The following STK39 variants were observed in gnomAD, a reference collection of about 807,000 sequenced individuals.
STK39 encodes serine/threonine kinase 39, also known as STE20/SPS1-related proline-alanine-rich protein kinase.
STK39 carries 20 observed loss-of-function variants against 77.8 expected under a neutral mutation model. The observed-to-expected ratio is 0.26, with a 90% CI of 0.18 to 0.37. STK39 has a LOEUF of 0.37. Ranked by LOEUF, STK39 falls within the 10% of genes least tolerant of loss-of-function variation. The probability of loss-of-function intolerance (pLI) is 1.00; values close to 1 mark genes in which losing one functional copy is unlikely to be tolerated. For missense variants in STK39, 479 were observed against 656.5 expected, an observed-to-expected ratio of 0.73 and a Z score of 2.95; for synonymous variants, 246 against 234.1, an observed-to-expected ratio of 1.05 and a Z score of -0.47.
chr2:167,962,677 C>G (rs1692019888), intron 17 of STK39, among the ~76,000 whole-genome samples: 1 of 152,160 alleles, frequency 6.6e-6, no homozygotes, highest in Non-Finnish European at 1.5e-5. Context: ...TCAGTCTCAG[C>G]CAATGGAGAT....
intron 16 of STK39, among the ~76,000 whole-genome samples, chr2:167,987,439 G>A (rs900375400): frequency 6.6e-6 from 1 of 152,040 alleles, no homozygotes; most frequent in Non-Finnish European, 1.5e-5. Context: ...AACTATGGAA[G>A]GCTGTAGAGT....
chr2:168,132,136 T>C (rs1328325232), intron 8 of STK39, among the ~76,000 whole-genome samples: 1 of 152,208 alleles, frequency 6.6e-6, no homozygotes, highest in East Asian at 1.9e-4. Context: ...AATGTCATGT[T>C]TGGGAACCTC....
chr2:168,226,793 C>T (rs1019272498), intron 1 of STK39, among the ~76,000 whole-genome samples: 1 of 152,164 alleles, frequency 6.6e-6, no homozygotes, highest in Admixed American at 6.5e-5. Flanking sequence ...GAAATTGTCA[C>T]AGTATCTATC....
intron 14 of STK39, among the ~76,000 whole-genome samples, chr2:168,038,519 A>G (rs1006438184): frequency 2.6e-5 from 4 of 151,896 alleles, no homozygotes; most frequent in African/African-American, 4.8e-5. Context: ...AGAGATAGGT[A>G]AAGATTTCTT....
At chr2:168,062,713 C>G (rs2105383501) in intron 14 of STK39, among the ~76,000 whole-genome samples, 1 of 152,258 alleles carries the variant, frequency 6.6e-6, no homozygotes, top group African/African-American at 2.4e-5. Context: ...GTAGCTACAA[C>G]TCAGAAAATG....
intron 1 of STK39, among the ~76,000 whole-genome samples, chr2:168,234,713 A>G (rs1690551947): frequency 6.6e-6 from 1 of 152,244 alleles, no homozygotes; most frequent in African/African-American, 2.4e-5. Flanking sequence ...TTTACATATA[A>G]CCTGGTTACA....
At chr2:168,064,420 C>G (rs1469420509) in intron 13 of STK39, among the ~76,000 whole-genome samples, 1 of 152,152 alleles carries the variant, frequency 6.6e-6, no homozygotes, top group Non-Finnish European at 1.5e-5. Flanking sequence ...AAACCGAATC[C>G]TGACTTGGCC....
rs2105292880 is a variant in STK39, at chr2:168,247,568, G to C, written c.-133C>G. 1.4e-6 allele frequency: 1 copy of C among 694,948 alleles called. No homozygotes were observed. Among genetic ancestry groups the C allele is most frequent in the South Asian group, 4.5e-5 (1 of 22,392 alleles). 43.0% of individuals were successfully genotyped at this position (694,948 alleles called of 1,614,324 possible). A position where few individuals can be genotyped will look rare whatever the true frequency, so the allele number is the denominator to read the frequency against. ...GCCCGCCGCCGCCGCCGCCGTCCCCGCCGAAGCCAGCTAGGAGGGGAGGGA... is the reference window on the plus strand; with the variant it reads ...GCCCGCCGCCGCCGCCGCCGTCCCCCCCGAAGCCAGCTAGGAGGGGAGGGA... On this transcript the variant is annotated 5_prime_UTR_variant, in exon 1 of 18. Coordinates refer to ENST00000355999, the MANE Select transcript of STK39 (RefSeq NM_013233.3).
intron 10 of STK39, among the ~76,000 whole-genome samples, chr2:168,081,829 T>C (rs1237662144): frequency 3.3e-5 from 5 of 152,126 alleles, no homozygotes; most frequent in Non-Finnish European, 7.3e-5. Context: ...GATCTGATGG[T>C]TTTAAAAAGA....
At chr2:168,183,557 C>T (rs1326710994) in intron 1 of STK39, among the ~76,000 whole-genome samples, 3 of 152,192 alleles carry the variant, frequency 2.0e-5, no homozygotes, top group Admixed American at 6.5e-5. Context: ...ACATGCTTCC[C>T]TTCCTCACTT....
At chr2:168,099,843 C>A (rs1415186904) in intron 10 of STK39, among the ~76,000 whole-genome samples, 1 of 152,042 alleles carries the variant, frequency 6.6e-6, no homozygotes, top group Non-Finnish European at 1.5e-5. Flanking sequence ...TAATAGGAGA[C>A]CCAAATTTCA....
In STK39 at chr2:168,173,069, C is replaced by T. The variant is rs372682563; in HGVS notation, c.322-5662G>A. 6.2e-4 allele frequency among the ~76,000 whole-genome samples: 94 copies of T among 152,242 alleles called. 1 individual carries two copies. The South Asian group carries it at 0.016, about 26-fold the overall frequency. On this transcript the variant is annotated intron_variant, in intron 2 of 17. Transcript: ENST00000355999. ...AGCCACAGCTTAGAACCCCTACTTG[C>T]GAGCTAAGTGCTGAAATGTATTTTT...
rs1333211884 is a variant in STK39 at position 168,247,403 on chromosome 2, G to A, written c.33C>T (p.Val11=). Reference sequence around the variant, plus strand: ...CCGGGGCCGCCTGCTGGGGAAGCTGGACGTGCACGGGCGAGCCGCTCGGCT... The same window carrying A: ...CCGGGGCCGCCTGCTGGGGAAGCTGAACGTGCACGGGCGAGCCGCTCGGCT... The part of the protein sequence containing the change: MAEPSGSPVH[V]QLPQQAAPVT... Residue 11 remains valine, a synonymous_variant, in exon 1 of 18, where the codon GTC becomes GTT. Transcript: ENST00000355999. 5 of 1,194,324 alleles carry A rather than the reference G, an allele frequency of 4.2e-6. No homozygotes were observed. The highest frequency in any genetic ancestry group is 3.9e-5 in the East Asian group (1 of 25,814). 74.0% of individuals were successfully genotyped at this position (1,194,324 alleles called of 1,614,324 possible).
At chr2:168,148,779 C>A (rs1688206723) in intron 5 of STK39, among the ~76,000 whole-genome samples, 1 of 152,138 alleles carries the variant, frequency 6.6e-6, no homozygotes, top group African/African-American at 2.4e-5. Flanking sequence ...TCTAGTAAGT[C>A]TGCCATCAAT....
chr2:167,956,690 ACACACACTCTCTCTCT>A (rs1574342344), intron 17 of STK39, among the ~76,000 whole-genome samples: 1 of 45,912 alleles, frequency 2.2e-5, no homozygotes, highest in African/African-American at 1.2e-4. Flanking sequence ...ACACACACAC[ACACACACTCTCTCTCT>A]CTCTCTCTCT....
intron 1 of STK39, among the ~76,000 whole-genome samples, chr2:168,214,375 T>C (rs1019898938): frequency 1.3e-5 from 2 of 152,206 alleles, no homozygotes; most frequent in African/African-American, 4.8e-5. Flanking sequence ...TTTAATTCCA[T>C]TTATATTCTG....
intron 1 of STK39, among the ~76,000 whole-genome samples, chr2:168,206,477 T>A (rs1172761483): frequency 6.6e-6 from 1 of 152,132 alleles, no homozygotes; most frequent in Admixed American, 6.5e-5. Context: ...ATTTTCGTTA[T>A]TTTTATTAGA....
chr2:167,989,866 G>A (rs1683653771), intron 16 of STK39, among the ~76,000 whole-genome samples: 1 of 151,864 alleles, frequency 6.6e-6, no homozygotes. Flanking sequence ...GTGATAAGCA[G>A]TAAAAAAAAA....
chr2:168,202,597 A>G (rs1417341348), intron 1 of STK39, among the ~76,000 whole-genome samples: 1 of 152,126 alleles, frequency 6.6e-6, no homozygotes, highest in African/African-American at 2.4e-5. Flanking sequence ...CCAAGTGGTC[A>G]TTTACAGATG....
Sources: allele counts gnomAD v4.1 joint callset (sites outside exome capture counted in the v4.1 genomes callset), GRCh38; gene constraint gnomAD v4.1.1; transcripts MANE v1.5; gene names NCBI Gene and HGNC (gene_info 2026-07-23, HGNC 2026-07-21).